The following FUT9 variants were observed in gnomAD, a reference collection of about 807,000 sequenced individuals.
FUT9 encodes the protein fucosyltransferase 9, also known as 4-galactosyl-N-acetylglucosaminide 3-alpha-L-fucosyltransferase 9.
In FUT9, 15 loss-of-function variants were observed where a neutral mutation model predicts 29.7. The ratio of observed to expected loss-of-function variants is 0.51; its 90% CI spans 0.34 to 0.78. FUT9 has a LOEUF of 0.78. Ranked by LOEUF, FUT9 falls within the 30% of genes least tolerant of loss-of-function variation. The pLI, the probability that FUT9 is intolerant of heterozygous loss-of-function variation, is 0.01. For missense variants in FUT9, 319 were observed against 425.4 expected (o/e 0.75, Z 2.20); for synonymous variants, 169 against 153.7 (o/e 1.10, Z -0.74).
At chr6:96,033,719 A>C (rs1770302965) in intron 1 of FUT9, among the ~76,000 whole-genome samples, 1 of 151,674 alleles carries the variant, frequency 6.6e-6, no homozygotes, top group Admixed American at 6.6e-5. Flanking sequence ...TTCTTTCATA[A>C]ATTTGTCTTC....
At position 96,035,660 on chromosome 6, in the gene FUT9, A is replaced by AAT. The variant is rs538660778; in HGVS notation, c.-98+19451_-98+19452dup. On this transcript the variant is annotated intron_variant, in intron 1 of 2. Transcript: ENST00000302103. The stretch of plus-strand genomic sequence containing the variant: ...AATATTATATTTATTATACTAATAT[A>AAT]ATATTATATTAAAATATAATATTAT... Among the ~76,000 whole-genome samples, 810 of 140,030 alleles carry AAT rather than the reference A, an allele frequency of 5.8e-3. 14 individuals carry two copies. The highest frequency in any genetic ancestry group is 0.02 in the African/African-American group (755 of 38,296). The allele number at this position is 140,030 out of a possible 152,430, so 91.9% of individuals were successfully genotyped here.
chr6:96,050,393 C>T (rs1036266286), intron 1 of FUT9, among the ~76,000 whole-genome samples: 1 of 152,168 alleles, frequency 6.6e-6, no homozygotes, highest in Admixed American at 6.5e-5. Context: ...ATTAAAAATG[C>T]AATGCCTGTT....
At chr6:96,144,995 TATATC>T (rs1772537761) in intron 2 of FUT9, among the ~76,000 whole-genome samples, 3 of 152,310 alleles carry the variant, frequency 2.0e-5, no homozygotes, top group East Asian at 1.9e-4. Context: ...ATTTCTGTAT[TATATC>T]ATAGCTATTA....
intron 1 of FUT9, chr6:96,021,109 C>A (rs979150443): frequency 6.6e-6 from 1 of 151,764 alleles, no homozygotes; most frequent in East Asian, 1.9e-4. Context: ...ACAAGGGTGT[C>A]CAGGAAAAAC....
intron 1 of FUT9, among the ~76,000 whole-genome samples, chr6:96,080,349 T>TA (rs1255206246): frequency 6.6e-6 from 1 of 151,988 alleles, no homozygotes; most frequent in Non-Finnish European, 1.5e-5. Context: ...TAGTAGACTT[T>TA]ACATAAGAGG....
intron 2 of FUT9, among the ~76,000 whole-genome samples, chr6:96,120,378 C>A (rs1292066148): frequency 6.8e-6 from 1 of 146,494 alleles, no homozygotes; most frequent in Non-Finnish European, 1.5e-5. Flanking sequence ...TCACGCCATT[C>A]TCCTGCCTCA....
chr6:96,120,874 G>A (rs529275134), intron 2 of FUT9, among the ~76,000 whole-genome samples: 4 of 152,070 alleles, frequency 2.6e-5, no homozygotes, highest in South Asian at 2.1e-4. Context: ...AGGAGAAGTA[G>A]ATGGAGTATA....
At chr6:96,109,243 T>C (rs9399758) in intron 1 of FUT9, among the ~76,000 whole-genome samples, 26,002 of 152,184 alleles carry the variant, frequency 0.17, 2,435 homozygotes, top group Non-Finnish European at 0.19. Context: ...CTGAGGTGTT[T>C]CTAACAACAC....
At chr6:96,111,579 A>G (rs1188148255) in intron 1 of FUT9, among the ~76,000 whole-genome samples, 1 of 138,146 alleles carries the variant, frequency 7.2e-6, no homozygotes, top group African/African-American at 2.5e-5. Flanking sequence ...ACACACACAC[A>G]CACACAAATC....
chr6:96,214,819 TAC>T lies in FUT9; in HGVS notation c.*10586_*10587del, dbSNP rs1774007586. 1 of 167,030 alleles carries T rather than the reference TAC, an allele frequency of 6.0e-6. No individual in the cohort carries two copies. The highest frequency in any genetic ancestry group is 1.5e-5 in the Non-Finnish European group (1 of 68,074). The allele number at this position is 167,030 out of a possible 1,614,324, so 10.3% of individuals were successfully genotyped here. ...ATTAAAATGATGGGAATCCTATTTA[TAC>T]ATTTATTTATTTATTTATTTACAGA... On this transcript the variant is annotated 3_prime_UTR_variant, in exon 3 of 3. Transcript: ENST00000302103.
chr6:96,098,488 G>A (rs1399871359), intron 1 of FUT9, among the ~76,000 whole-genome samples: 1 of 152,016 alleles, frequency 6.6e-6, no homozygotes, highest in African/African-American at 2.4e-5. Context: ...TATTGCCCTA[G>A]TGGACTTTTA....
chr6:96,142,428 G>A (rs1772480931), intron 2 of FUT9, among the ~76,000 whole-genome samples: 1 of 152,182 alleles, frequency 6.6e-6, no homozygotes, highest in African/African-American at 2.4e-5. Flanking sequence ...GAGAGACAAA[G>A]CTGGTGCATC....
intron 1 of FUT9, among the ~76,000 whole-genome samples, chr6:96,044,605 A>T (rs1770525579): frequency 6.6e-6 from 1 of 152,204 alleles, no homozygotes; most frequent in Non-Finnish European, 1.5e-5. Context: ...AAACTCTTAG[A>T]CTAGAAACTG....
intron 2 of FUT9, among the ~76,000 whole-genome samples, chr6:96,126,774 G>T (rs1472668763): frequency 6.6e-6 from 1 of 152,192 alleles, no homozygotes; most frequent in African/African-American, 2.4e-5. Flanking sequence ...TTTCAATGGA[G>T]GTAGAGGCAA....
intron 1 of FUT9, among the ~76,000 whole-genome samples, chr6:96,091,420 C>T (rs575457968): frequency 7.9e-5 from 12 of 152,080 alleles, no homozygotes; most frequent in African/African-American, 2.6e-4. Context: ...TCAATAACAA[C>T]GCATGAATCT....
intron 2 of FUT9, among the ~76,000 whole-genome samples, chr6:96,123,417 G>C (rs1772069588): frequency 6.6e-6 from 1 of 152,190 alleles, no homozygotes; most frequent in African/African-American, 2.4e-5. Context: ...GGGCTTTGAG[G>C]AAGAGTGTAA....
chr6:96,074,894 A>T (rs4337946), intron 1 of FUT9, among the ~76,000 whole-genome samples: 62,736 of 151,704 alleles, frequency 0.41, 13,430 homozygotes, highest in East Asian at 0.61. Context: ...TTTCTGCCTC[A>T]GCCTCCTGAG....
chr6:96,067,361 G>C (rs139574371), intron 1 of FUT9, among the ~76,000 whole-genome samples: 192 of 151,718 alleles, frequency 1.3e-3, no homozygotes, highest in African/African-American at 4.5e-3. Context: ...AAAAGACCTT[G>C]TGTACTTTGT....
At position 96,074,941 on chromosome 6, in the gene FUT9, G is replaced by A. The variant is rs1333039371; in HGVS notation, c.-97-39098G>A. Among the ~76,000 whole-genome samples, 4 of 151,654 alleles carry A rather than the reference G, an allele frequency of 2.6e-5. No individual in the cohort carries two copies. The South Asian group carries it at 6.3e-4, about 24-fold the overall frequency. ...GCAAGCTCACGCCACCATGGCCAGC[G>A]AATTTTTTTTTTTTAATTCTTTGTA... On this transcript the variant is annotated intron_variant, in intron 1 of 2. Transcript: ENST00000302103.
Sources: allele counts gnomAD v4.1 joint callset (sites outside exome capture counted in the v4.1 genomes callset), GRCh38; gene constraint gnomAD v4.1.1; transcripts MANE v1.5; gene names NCBI Gene and HGNC (gene_info 2026-07-23, HGNC 2026-07-21).